Variants in NHSL2 observed in about 807,000 individuals in gnomAD.
The protein encoded by NHSL2 is NHS-like protein 2.
NHSL2 carries 27 observed loss-of-function variants against 53.4 expected under a neutral mutation model. That is an observed-to-expected ratio of 0.51 (90% confidence interval 0.37 to 0.70). The LOEUF is 0.70. NHSL2 is among the 30% of genes least tolerant of loss of function. The pLI, the probability that NHSL2 is intolerant of heterozygous loss-of-function variation, is 0.00. For missense variants in NHSL2, 892 were observed against 980.1 expected, an observed-to-expected ratio of 0.91 and a Z score of 1.20; for synonymous variants, 408 against 404.1, an observed-to-expected ratio of 1.01 and a Z score of -0.12.
intron 1 of NHSL2, among the ~76,000 whole-genome samples, chrX:71,971,847 G>T (rs889089592): frequency 9.1e-5 from 10 of 110,344 alleles, no homozygotes; most frequent in Non-Finnish European, 1.7e-4. Flanking sequence ...TTTAGCCCAG[G>T]AGTTTGAGGC....
chrX:72,010,556 A>G (rs113087329), intron 1 of NHSL2, among the ~76,000 whole-genome samples: 2 of 112,531 alleles, frequency 1.8e-5, no homozygotes, highest in African/African-American at 6.4e-5. Context: ...CTTTCTGTGC[A>G]TACACAGTTT....
intron 1 of NHSL2, among the ~76,000 whole-genome samples, chrX:71,990,486 C>T (rs1213591522): frequency 4.5e-5 from 5 of 110,990 alleles, no homozygotes; most frequent in Non-Finnish European, 9.4e-5. Flanking sequence ...CTCCTTGCCT[C>T]ATAACAACCC....
intron 1 of NHSL2, among the ~76,000 whole-genome samples, chrX:71,944,383 G>A (rs1365939737): frequency 8.9e-6 from 1 of 112,332 alleles, no homozygotes; most frequent in Non-Finnish European, 1.9e-5. Context: ...TAGAGAGTAA[G>A]TGGCCTGCTC....
At chrX:72,066,296 C>G (rs763354980) in intron 1 of NHSL2, among the ~76,000 whole-genome samples, 21 of 111,678 alleles carry the variant, frequency 1.9e-4, no homozygotes, top group Non-Finnish European at 3.0e-4. Flanking sequence ...AAAAGCATTC[C>G]TCATCCAATT....
chrX:72,029,168 TG>T lies in NHSL2; in HGVS notation c.281-102907del, dbSNP rs746534070. Among the ~76,000 whole-genome samples, 278 of 111,194 alleles carry T rather than the reference TG, an allele frequency of 2.5e-3. 2 individuals carry two copies. The highest frequency in any genetic ancestry group is 8.7e-3 in the African/African-American group (266 of 30,504). On this transcript the variant is annotated intron_variant, in intron 1 of 7. Coordinates refer to ENST00000633930, the MANE Select transcript of NHSL2 (RefSeq NM_001013627.3). ...GAGTCTAACCCTGTCCAAGTAGGGT[TG>T]GGGTTCAGGACTGGAGTCATAACTG...
chrX:72,015,948 A>C (rs1382576681), intron 1 of NHSL2, among the ~76,000 whole-genome samples: 1 of 111,667 alleles, frequency 9.0e-6, no homozygotes, highest in African/African-American at 3.3e-5. Context: ...AACTTTATTG[A>C]TGGTGTCTTT....
intron 1 of NHSL2, among the ~76,000 whole-genome samples, chrX:71,960,382 G>C (rs745455205): frequency 8.9e-6 from 1 of 111,953 alleles, no homozygotes; most frequent in Non-Finnish European, 1.9e-5. Context: ...CAAATTTATA[G>C]CTACTATGTA....
At chrX:71,949,264 G>A (rs1569465571) in intron 1 of NHSL2, among the ~76,000 whole-genome samples, 1 of 111,275 alleles carries the variant, frequency 9.0e-6, no homozygotes, top group East Asian at 2.8e-4. Flanking sequence ...AAGTAGCATA[G>A]AGGGGCTGAT....
At chrX:71,925,177 G>A (rs2041678275) in intron 1 of NHSL2, among the ~76,000 whole-genome samples, 1 of 111,701 alleles carries the variant, frequency 9.0e-6, no homozygotes, top group Non-Finnish European at 1.9e-5. Flanking sequence ...TGTGAACCTC[G>A]TAACACCCAA....
At chrX:72,056,510 T>C (rs2042370248) in intron 1 of NHSL2, among the ~76,000 whole-genome samples, 1 of 111,110 alleles carries the variant, frequency 9.0e-6, no homozygotes, top group Non-Finnish European at 1.9e-5. Context: ...CAGTTGTTAT[T>C]GCTTCATAAT....
At chrX:71,931,074 T>C (rs1043380221) in intron 1 of NHSL2, among the ~76,000 whole-genome samples, 1 of 112,356 alleles carries the variant, frequency 8.9e-6, no homozygotes, top group African/African-American at 3.2e-5. Flanking sequence ...ATTTTCTGAA[T>C]TTTTTATTAT....
intron 1 of NHSL2, among the ~76,000 whole-genome samples, chrX:72,009,453 G>A (rs2042107336): frequency 8.9e-6 from 1 of 112,819 alleles, no homozygotes; most frequent in Admixed American, 9.3e-5. Context: ...GAGAAGGGTG[G>A]AAAAGATGTG....
intron 1 of NHSL2, among the ~76,000 whole-genome samples, chrX:72,085,118 C>G (rs1156736251): frequency 1.8e-5 from 2 of 111,436 alleles, no homozygotes; most frequent in Non-Finnish European, 3.8e-5. Flanking sequence ...TTGTCCTCAC[C>G]CTAAACATAT....
intron 1 of NHSL2, among the ~76,000 whole-genome samples, chrX:71,970,769 C>G (rs2041922016): frequency 1.8e-5 from 2 of 109,112 alleles, no homozygotes; most frequent in South Asian, 3.9e-4. Flanking sequence ...TCACTCGTTC[C>G]TTAAGCCATT....
intron 1 of NHSL2, among the ~76,000 whole-genome samples, chrX:72,061,996 T>C (rs1358124592): frequency 8.9e-6 from 1 of 112,547 alleles, no homozygotes; most frequent in Non-Finnish European, 1.9e-5. Flanking sequence ...GGTTATTGTC[T>C]GTCTCCTCTG....
At position 72,145,475 on chromosome X, in the gene NHSL2, A is replaced by G. The variant is rs1273370918; in HGVS notation, c.*1901A>G. 4.4e-5 allele frequency: 5 copies of G among 112,778 alleles called. No individual in the cohort carries two copies. Among genetic ancestry groups the G allele is most frequent in the Non-Finnish European group, 9.4e-5 (5 of 53,414 alleles). The allele number at this position is 112,778 out of a possible 1,213,427, so 9.3% of individuals were successfully genotyped here. A position where few individuals can be genotyped will look rare whatever the true frequency, so the allele number is the denominator to read the frequency against. On this transcript the variant is annotated 3_prime_UTR_variant, in exon 8 of 8. Transcript: ENST00000633930. The stretch of plus-strand genomic sequence containing the variant: ...GCTAGGCTCAGTTGCTTTTGAAAGT[A>G]CTAGAACTACTTGGTGTGAAGTTCT...
At chrX:72,078,185 T>C (rs1306435111) in intron 1 of NHSL2, among the ~76,000 whole-genome samples, 1 of 112,510 alleles carries the variant, frequency 8.9e-6, no homozygotes, top group Non-Finnish European at 1.9e-5. Flanking sequence ...GCAGTAGGGC[T>C]CCCAAGTCTG....
intron 1 of NHSL2, among the ~76,000 whole-genome samples, chrX:72,036,430 A>T (rs780902301): frequency 8.9e-6 from 1 of 112,420 alleles, no homozygotes; most frequent in South Asian, 3.6e-4. Context: ...TTTATTTTTA[A>T]TAAAGAAAGT....
chrX:71,910,989 C>G lies in NHSL2; in HGVS notation c.-99C>G. 1.5e-6 allele frequency: 1 copy of G among 689,617 alleles called. No individual in the cohort carries two copies. The highest frequency in any genetic ancestry group is 4.9e-5 in the East Asian group (1 of 20,325). The allele number at this position is 689,617 out of a possible 1,213,427, so 56.8% of individuals were successfully genotyped here. A position where few individuals can be genotyped will look rare whatever the true frequency, so the allele number is the denominator to read the frequency against. ...GCCCAGGGGCCTGCTACACCCGGAG[C>G]TGGGGCCGCCGCTCAGGGGCGCTCG... On this transcript the variant is annotated 5_prime_UTR_variant, in exon 1 of 8. Transcript: ENST00000633930.
Sources: gnomAD v4.1 joint callset for allele counts (sites outside exome capture counted in the v4.1 genomes callset) on GRCh38, gnomAD v4.1.1 for gene constraint, MANE v1.5 for transcripts, NCBI Gene and HGNC (gene_info 2026-07-23, HGNC 2026-07-21) for gene names.